Variants in PGM5 observed in about 807,000 individuals in gnomAD.
PGM5 encodes phosphoglucomutase 5, also known as phosphoglucomutase-like protein 5.
Under a neutral mutation model 59.2 loss-of-function variants are expected in PGM5, and 23 were observed. The ratio of observed to expected loss-of-function variants is 0.39; its 90% CI spans 0.28 to 0.55. PGM5 has a LOEUF of 0.55. Among genes scored for constraint, PGM5 ranks in the 20% least tolerant of loss-of-function variants. PGM5 has a pLI of 0.66. For synonymous variants in PGM5, 214 were observed against 286.0 expected, an observed-to-expected ratio of 0.75 and a Z score of 2.54; for missense variants, 574 against 748.3, an observed-to-expected ratio of 0.77 and a Z score of 2.72.
intron 6 of PGM5, among the ~76,000 whole-genome samples, chr9:68,443,876 C>T (rs1248337202): frequency 6.6e-6 from 1 of 152,194 alleles, no homozygotes; most frequent in Non-Finnish European, 1.5e-5. Flanking sequence ...AAATTGCATG[C>T]AGATGTAGTG....
chr9:68,489,949 G>A (rs1268698429), intron 9 of PGM5, among the ~76,000 whole-genome samples: 1 of 152,150 alleles, frequency 6.6e-6, no homozygotes, highest in Non-Finnish European at 1.5e-5. Flanking sequence ...ACATTTTGAT[G>A]TTGTCCTTAA....
At chr9:68,521,577 T>G (rs1233481925) in intron 10 of PGM5, among the ~76,000 whole-genome samples, 1 of 152,116 alleles carries the variant, frequency 6.6e-6, no homozygotes, top group Non-Finnish European at 1.5e-5. Flanking sequence ...GTGTATTCCA[T>G]GTGAAAGAAA....
At chr9:68,383,714 A>G (rs1735381196) in intron 2 of PGM5, among the ~76,000 whole-genome samples, 1 of 144,770 alleles carries the variant, frequency 6.9e-6, no homozygotes, top group African/African-American at 2.6e-5. Flanking sequence ...AAAAATCTGA[A>G]ATGGCTTGCA....
intron 2 of PGM5, among the ~76,000 whole-genome samples, chr9:68,382,695 T>C (rs2480163): frequency 1.1e-3 from 159 of 150,554 alleles, no homozygotes; most frequent in African/African-American, 3.7e-3. Context: ...TACATATTTT[T>C]GGTGTGCATA....
chr9:68,400,688 G>A (rs1822644067), intron 6 of PGM5: 1 of 152,450 alleles, frequency 6.6e-6, no homozygotes, highest in African/African-American at 2.4e-5. Flanking sequence ...AATCTCCTTT[G>A]GATATAATAA....
chr9:68,529,070 C>G (rs1317852304), intron 10 of PGM5, among the ~76,000 whole-genome samples: 2 of 151,972 alleles, frequency 1.3e-5, no homozygotes, highest in African/African-American at 2.4e-5. Context: ...ATTTCTGCAA[C>G]GTTGGCCAAT....
chr9:68,429,985 T>C (rs1376702277), intron 6 of PGM5, among the ~76,000 whole-genome samples: 2 of 152,328 alleles, frequency 1.3e-5, no homozygotes, highest in East Asian at 3.9e-4. Context: ...GAACAGTATC[T>C]GGGTATCTGA....
At chr9:68,378,852 C>T (rs2482184) in intron 2 of PGM5, among the ~76,000 whole-genome samples, 10,885 of 150,846 alleles carry the variant, frequency 0.072, 493 homozygotes, top group Middle Eastern at 0.19. Context: ...TCACAGCAAT[C>T]TATAGTTTGG....
intron 6 of PGM5, among the ~76,000 whole-genome samples, chr9:68,457,588 A>G (rs567920512): frequency 6.6e-6 from 1 of 152,348 alleles, no homozygotes; most frequent in South Asian, 2.1e-4. Flanking sequence ...GTCTTATGAC[A>G]TAGATTCAAT....
chr9:68,512,102 T>C (rs1053265075), intron 10 of PGM5, among the ~76,000 whole-genome samples: 3 of 152,126 alleles, frequency 2.0e-5, no homozygotes, highest in African/African-American at 7.2e-5. Flanking sequence ...TGAGTAGGGG[T>C]TGTTCAATGA....
At chr9:68,436,653 G>A (rs1186771691) in intron 6 of PGM5, among the ~76,000 whole-genome samples, 5 of 152,212 alleles carry the variant, frequency 3.3e-5, no homozygotes, top group African/African-American at 1.2e-4. Flanking sequence ...ACTGCCAAGT[G>A]TATTTGTACC....
At chr9:68,411,484 G>GTATA (rs782186409) in intron 6 of PGM5, among the ~76,000 whole-genome samples, 35 of 105,974 alleles carry the variant, frequency 3.3e-4, no homozygotes, top group African/African-American at 8.4e-4. Flanking sequence ...GTGTGTGTGT[G>GTATA]TGTGTATATA....
chr9:68,459,845 A>G (rs1208597473), intron 6 of PGM5, among the ~76,000 whole-genome samples: 2 of 152,014 alleles, frequency 1.3e-5, no homozygotes, highest in Non-Finnish European at 2.9e-5. Flanking sequence ...ACTTTTGCCT[A>G]TTTTTTTAAG....
intron 6 of PGM5, among the ~76,000 whole-genome samples, chr9:68,395,141 T>C (rs868952756): frequency 2.0e-5 from 3 of 152,158 alleles, no homozygotes; most frequent in Non-Finnish European, 4.4e-5. Context: ...TCTAGAATGA[T>C]TTTGAATTAA....
At chr9:68,423,087 G>GTA (rs1158904636) in intron 6 of PGM5, among the ~76,000 whole-genome samples, 4 of 152,084 alleles carry the variant, frequency 2.6e-5, no homozygotes, top group Admixed American at 6.6e-5. Context: ...GTATTCCATT[G>GTA]TATATATATA....
chr9:68,466,727 A>G (rs1259653202), intron 7 of PGM5, among the ~76,000 whole-genome samples: 2 of 152,086 alleles, frequency 1.3e-5, no homozygotes, highest in East Asian at 3.8e-4. Context: ...GCAGTGGCAT[A>G]TTTTTACTGG....
chr9:68,367,688 A>C (rs1417145509), intron 1 of PGM5, among the ~76,000 whole-genome samples: 23 of 151,990 alleles, frequency 1.5e-4, no homozygotes, highest in African/African-American at 5.6e-4. Flanking sequence ...AATCTTGCTG[A>C]GCTGTAAATC....
At chr9:68,525,919 G>T (rs1317434806) in intron 10 of PGM5, among the ~76,000 whole-genome samples, 2 of 152,044 alleles carry the variant, frequency 1.3e-5, no homozygotes, top group African/African-American at 4.8e-5. Context: ...ATCCGAGCAT[G>T]GTGGCAGGCA....
intron 1 of PGM5, among the ~76,000 whole-genome samples, chr9:68,363,097 TGACCTCAAGG>T (rs1834612567): frequency 6.6e-6 from 1 of 151,906 alleles, no homozygotes; most frequent in South Asian, 2.1e-4. Flanking sequence ...CTTGAACTCC[TGACCTCAAGG>T]GATCTGCCTG....
Sources: allele counts gnomAD v4.1 joint callset (sites outside exome capture counted in the v4.1 genomes callset), GRCh38; gene constraint gnomAD v4.1.1; transcripts MANE v1.5; gene names NCBI Gene and HGNC (gene_info 2026-07-23, HGNC 2026-07-21).